The following SUZ12 variants were observed in gnomAD, a reference collection of about 807,000 sequenced individuals.
SUZ12 encodes polycomb protein SUZ12.
SUZ12 carries 17 observed loss-of-function variants against 87.3 expected under a neutral mutation model. The ratio of observed to expected loss-of-function variants is 0.19; its 90% CI spans 0.13 to 0.29. The LOEUF is 0.29. Among genes scored for constraint, SUZ12 ranks in the 10% least tolerant of loss-of-function variants. The pLI, the probability that SUZ12 is intolerant of heterozygous loss-of-function variation, is 1.00. For synonymous variants in SUZ12, 253 were observed against 312.4 expected, an observed-to-expected ratio of 0.81 and a Z score of 2.01; for missense variants, 526 against 912.2, an observed-to-expected ratio of 0.58 and a Z score of 5.45.
intron 1 of SUZ12, among the ~76,000 whole-genome samples, chr17:31,938,837 C>T (rs1478075660): frequency 1.3e-5 from 2 of 152,106 alleles, no homozygotes; most frequent in African/African-American, 2.4e-5. Context: ...TAACTATTTG[C>T]GTTCTGATGA....
At chr17:31,947,497 T>C (rs1475407048) in intron 3 of SUZ12, 120 bp from the exon 4 acceptor site, 3 of 1,290,534 alleles carry the variant, frequency 2.3e-6, no homozygotes, top group Non-Finnish European at 3.2e-6. Context: ...ATCCATAATT[T>C]ATCTTACTAA....
intron 4 of SUZ12, among the ~76,000 whole-genome samples, chr17:31,953,355 T>C (rs1907099030): frequency 2.0e-5 from 3 of 152,138 alleles, no homozygotes; most frequent in East Asian, 3.9e-4. Flanking sequence ...AGGTGGTCCA[T>C]CCGCCTCGAC....
chr17:31,987,591 C>T (rs952559544), intron 9 of SUZ12, among the ~76,000 whole-genome samples: 16 of 152,122 alleles, frequency 1.1e-4, no homozygotes, highest in Non-Finnish European at 1.9e-4. Context: ...CACCTAAGAG[C>T]AAAGGTTGCA....
intron 6 of SUZ12, among the ~76,000 whole-genome samples, chr17:31,973,613 A>G (rs1272871451): frequency 1.3e-5 from 2 of 152,188 alleles, no homozygotes; most frequent in Non-Finnish European, 2.9e-5. Context: ...CCTTTGTAAC[A>G]CTGCTCTCAG....
At chr17:31,939,573 G>C (rs1906145400) in intron 1 of SUZ12, among the ~76,000 whole-genome samples, 1 of 151,630 alleles carries the variant, frequency 6.6e-6, no homozygotes, top group African/African-American at 2.4e-5. Context: ...GCCCAGGCTG[G>C]AGTACAATGA....
Position 31,937,145 on chromosome 17 carries a change from C to T in SUZ12, c.-102C>T. The T allele has an allele frequency of 9.7e-7, 1 of 1,031,560 alleles. No homozygotes were observed. The allele number at this position is 1,031,560 out of a possible 1,614,324, so 63.9% of individuals were successfully genotyped here. A position where few individuals can be genotyped will look rare whatever the true frequency, so the allele number is the denominator to read the frequency against. ...CTCCCCTCTCTCCTCCTTCCCCCCT[C>T]GGTCCGCCGGAGCCTGCTGGGGCGA... On this transcript the variant is annotated 5_prime_UTR_variant, in exon 1 of 16. Coordinates refer to ENST00000322652, the MANE Select transcript of SUZ12 (RefSeq NM_015355.4).
chr17:31,979,376 C>T (rs1228725465), intron 8 of SUZ12, among the ~76,000 whole-genome samples: 2 of 152,238 alleles, frequency 1.3e-5, no homozygotes, highest in East Asian at 3.9e-4. Flanking sequence ...AATTAAAATA[C>T]AAATACAATA....
intron 6 of SUZ12, among the ~76,000 whole-genome samples, chr17:31,973,438 C>T (rs1412960525): frequency 1.3e-5 from 2 of 151,988 alleles, no homozygotes; most frequent in African/African-American, 4.8e-5. Flanking sequence ...AGTGTCTGTA[C>T]AAAACTTTCT....
intron 4 of SUZ12, among the ~76,000 whole-genome samples, chr17:31,949,287 G>A (rs1906807240): frequency 6.6e-6 from 1 of 152,116 alleles, no homozygotes; most frequent in Admixed American, 6.6e-5. Context: ...GACCTGGTGG[G>A]TTCAATAGCA....
At position 31,998,956 on chromosome 17, in the gene SUZ12, G is replaced by C. The variant is rs1473131160; in HGVS notation, c.2173G>C (p.Asp725His). The C allele has an allele frequency of 1.1e-5, 18 of 1,603,936 alleles. No homozygotes were observed. Among genetic ancestry groups the C allele is most frequent in the Non-Finnish European group, 1.4e-5 (17 of 1,176,788 alleles). The change falls in exon 16 of 16, where the codon GAT (aspartate) becomes CAT (histidine). Residue 725 changes from aspartate to histidine, a missense_variant. Asp to His is a moderately conservative substitution (Grantham distance 81). Coordinates refer to ENST00000322652, the MANE Select transcript of SUZ12 (RefSeq NM_015355.4). ...CTCAAAAGAGAAAGCTTTGGAAACA[G>C]ATAGTGTCTCAGGGGTTTCAAAACA... Reference protein sequence around the residue: ...INSKEKALETDSVSGVSKQSK... With the variant: ...INSKEKALETHSVSGVSKQSK...
rs551808100 is a variant in SUZ12 at position 31,985,929 on chromosome 17, G to T, written c.1024-2391G>T. Among the ~76,000 whole-genome samples, 4 of 152,126 alleles carry T rather than the reference G, an allele frequency of 2.6e-5. No individual in the cohort carries two copies. In the South Asian group the frequency reaches 8.3e-4, roughly 32 times the overall value. Reference sequence around the variant, plus strand: ...ACCCGCCTCGGCCTCCCAAAGTACTGGGATTACAGGCATGAGCGACCGTGC... The same window carrying T: ...ACCCGCCTCGGCCTCCCAAAGTACTTGGATTACAGGCATGAGCGACCGTGC... On this transcript the variant is annotated intron_variant, in intron 9 of 15. Transcript: ENST00000322652.
intron 8 of SUZ12, among the ~76,000 whole-genome samples, chr17:31,978,756 T>C (rs895137250): frequency 7.2e-5 from 11 of 152,300 alleles, no homozygotes; most frequent in African/African-American, 2.6e-4. Context: ...ATAATGCTTT[T>C]ATTTTAAAGA....
At chr17:31,994,947 T>A (rs1326122596) in intron 13 of SUZ12, among the ~76,000 whole-genome samples, 1 of 152,238 alleles carries the variant, frequency 6.6e-6, no homozygotes, top group Non-Finnish European at 1.5e-5. Context: ...TTTAATGATG[T>A]TAATGTCACT....
intron 4 of SUZ12, among the ~76,000 whole-genome samples, chr17:31,963,586 C>G (rs192742122): frequency 6.6e-6 from 1 of 151,794 alleles, no homozygotes; most frequent in Non-Finnish European, 1.5e-5. Flanking sequence ...CACCTCCGCC[C>G]TCCGAGTTCA....
chr17:31,941,017 A>G (rs1272965840), intron 3 of SUZ12, among the ~76,000 whole-genome samples: 2 of 152,066 alleles, frequency 1.3e-5, no homozygotes, highest in African/African-American at 2.4e-5. Context: ...CTCAAAGAAA[A>G]AAAAAACAAA....
chr17:31,974,115 C>T (rs4482351), intron 6 of SUZ12, among the ~76,000 whole-genome samples: 3 of 151,760 alleles, frequency 2.0e-5, no homozygotes, highest in Non-Finnish European at 2.9e-5. Context: ...CCCAGCTACT[C>T]GGGAGGATTG....
At chr17:31,997,825 T>C (rs1910061145) in intron 15 of SUZ12, among the ~76,000 whole-genome samples, 1 of 152,194 alleles carries the variant, frequency 6.6e-6, no homozygotes, top group Non-Finnish European at 1.5e-5. Context: ...CCACAGTTAT[T>C]ACCACAATTT....
chr17:31,950,002 T>C (rs996042526), intron 4 of SUZ12, among the ~76,000 whole-genome samples: 2 of 151,872 alleles, frequency 1.3e-5, no homozygotes, highest in African/African-American at 4.8e-5. Context: ...GTTTATTTAT[T>C]TATTTATTTT....
intron 11 of SUZ12, among the ~76,000 whole-genome samples, chr17:31,993,593 G>A (rs929443463): frequency 1.3e-5 from 2 of 151,948 alleles, no homozygotes; most frequent in Non-Finnish European, 2.9e-5. Context: ...GCTAATTTTT[G>A]TAGTTTTTGT....
Sources: gnomAD v4.1 joint callset for allele counts (sites outside exome capture counted in the v4.1 genomes callset) on GRCh38, gnomAD v4.1.1 for gene constraint, MANE v1.5 for transcripts, NCBI Gene and HGNC (gene_info 2026-07-23, HGNC 2026-07-21) for gene names.